PGPEP1L: variants seen among roughly 807,000 people sequenced by gnomAD.
The protein encoded by PGPEP1L is pyroglutamyl-peptidase I like, also known as pyroglutamyl-peptidase 1-like protein.
Under a neutral mutation model 6.0 loss-of-function variants are expected in PGPEP1L, and 7 were observed. That is an observed-to-expected ratio of 1.17 (90% confidence interval 0.66 to 2.19). The LOEUF is 2.19. PGPEP1L is among the 30% of genes most tolerant of loss of function. The probability of loss-of-function intolerance (pLI) is 0.00; values close to 1 mark genes in which losing one functional copy is unlikely to be tolerated. For synonymous variants in PGPEP1L, 103 were observed against 83.9 expected, an observed-to-expected ratio of 1.23 and a Z score of -1.24; for missense variants, 209 against 192.5, an observed-to-expected ratio of 1.09 and a Z score of -0.51.
chr15:98,992,994 G>T (rs1252863494), intron 2 of PGPEP1L, among the ~76,000 whole-genome samples: 1 of 151,988 alleles, frequency 6.6e-6, no homozygotes, highest in African/African-American at 2.4e-5. Flanking sequence ...ACCTAAAACT[G>T]TAAGAACCCT....
intron 2 of PGPEP1L, among the ~76,000 whole-genome samples, chr15:98,983,820 T>G (rs1351762567): frequency 6.6e-6 from 1 of 152,152 alleles, no homozygotes; most frequent in East Asian, 1.9e-4. Context: ...TCTGTCTGTA[T>G]TTTTCTTCTT....
chr15:98,995,714 C>T (rs2017878408), intron 2 of PGPEP1L, among the ~76,000 whole-genome samples: 1 of 152,074 alleles, frequency 6.6e-6, no homozygotes, highest in African/African-American at 2.4e-5. Flanking sequence ...CTCTACAATT[C>T]AATGGTTTTT....
chr15:98,981,299 T>C (rs545746125), intron 2 of PGPEP1L, among the ~76,000 whole-genome samples: 522 of 152,106 alleles, frequency 3.4e-3, no homozygotes, highest in Non-Finnish European at 5.4e-3. Flanking sequence ...CAGACCATCC[T>C]GGCTAACACA....
Position 98,975,651 on chromosome 15 carries a change from C to T in PGPEP1L, c.-141-4493G>A, listed in dbSNP as rs58213348. Among the ~76,000 whole-genome samples the T allele has an allele frequency of 3.0e-3, 453 of 152,224 alleles. 1 individual carries two copies. Among genetic ancestry groups the T allele is most frequent in the African/African-American group, 0.01 (432 of 41,530 alleles). On this transcript the variant is annotated intron_variant, in intron 2 of 4. Transcript: ENST00000535714. ...ATCCCAGCACTTTGGGAGGCCGAGA[C>T]GGGCGGATCACTTGATGTCAGGAGT... is the stretch of plus-strand genomic sequence containing the variant.
In PGPEP1L at chr15:99,000,667, G is replaced by A. The variant is rs540828492; in HGVS notation, c.-142+4762C>T. On this transcript the variant is annotated intron_variant, in intron 2 of 4. Transcript: ENST00000535714. ...TGGAGAACCTTTGTATCCACACTCT[G>A]TATCTAACTAATCTAGTGGGGAACT... 1.1e-4 allele frequency among the ~76,000 whole-genome samples: 17 copies of A among 152,250 alleles called. No individual in the cohort carries two copies. The East Asian group carries it at 1.4e-3, about 12-fold the overall frequency.
At position 98,978,778 on chromosome 15, in the gene PGPEP1L, G is replaced by A. The variant is rs564423071; in HGVS notation, c.-141-7620C>T. ...CACAGTCTTGCTCTGTCACCAGGCTGGAGTGCGGTGGCATGATCTCGGCTC... is the reference window on the plus strand; with the variant it reads ...CACAGTCTTGCTCTGTCACCAGGCTAGAGTGCGGTGGCATGATCTCGGCTC... On this transcript the variant is annotated intron_variant, in intron 2 of 4. Coordinates refer to ENST00000535714, the MANE Select transcript of PGPEP1L (RefSeq NM_001167902.2). Among the ~76,000 whole-genome samples, 3 of 138,300 alleles carry A rather than the reference G, an allele frequency of 2.2e-5. No homozygotes were observed. In the East Asian group the frequency reaches 6.2e-4, roughly 29 times the overall value. 90.7% of individuals were successfully genotyped at this position (138,300 alleles called of 152,430 possible).
At chr15:98,980,534 G>GT (rs1299996098) in intron 2 of PGPEP1L, among the ~76,000 whole-genome samples, 2 of 152,334 alleles carry the variant, frequency 1.3e-5, no homozygotes, top group African/African-American at 4.8e-5. Flanking sequence ...AGTAACCGAT[G>GT]TAACTCCTCT....
At chr15:99,004,643 A>C (rs7164619) in intron 2 of PGPEP1L, among the ~76,000 whole-genome samples, 142,034 of 152,170 alleles carry the variant, frequency 0.93, 66,322 homozygotes, top group South Asian at 0.94. Flanking sequence ...GCTTGAACCC[A>C]GGAGGCGGAG....
intron 2 of PGPEP1L, among the ~76,000 whole-genome samples, chr15:99,002,143 C>T (rs1440876167): frequency 6.6e-6 from 1 of 152,128 alleles, no homozygotes; most frequent in African/African-American, 2.4e-5. Flanking sequence ...TCCCGAGTAG[C>T]TGGGACCACA....
intron 2 of PGPEP1L, among the ~76,000 whole-genome samples, chr15:98,994,994 T>A (rs2017868263): frequency 6.6e-6 from 1 of 152,212 alleles, no homozygotes; most frequent in South Asian, 2.1e-4. Context: ...TTTTTGGTAT[T>A]CTGTAGCTTA....
chr15:98,969,938 G>T (rs994771467), intron 3 of PGPEP1L, among the ~76,000 whole-genome samples: 5 of 152,070 alleles, frequency 3.3e-5, no homozygotes, highest in African/African-American at 4.8e-5. Context: ...CTCTTTTTGT[G>T]GGGGGAGGGT....
chr15:98,972,625 T>C (rs2017514252), intron 2 of PGPEP1L, among the ~76,000 whole-genome samples: 1 of 151,782 alleles, frequency 6.6e-6, no homozygotes, highest in Admixed American at 6.6e-5. Context: ...TCGCAGCACT[T>C]TGGGACACCA....
At chr15:98,981,890 A>G (rs1267039724) in intron 2 of PGPEP1L, among the ~76,000 whole-genome samples, 2 of 152,222 alleles carry the variant, frequency 1.3e-5, no homozygotes, top group African/African-American at 4.8e-5. Flanking sequence ...AGCACCCTGG[A>G]AAAGGGTAAG....
rs1255002050 is a variant in PGPEP1L, at chr15:98,979,628, CTATTCTTTTTTTTTT to C, written c.-141-8485_-141-8471del. 5.3e-5 allele frequency among the ~76,000 whole-genome samples: 4 copies of C among 75,932 alleles called. No individual in the cohort carries two copies. In the South Asian group the frequency reaches 2.5e-3, roughly 48 times the overall value. 49.8% of individuals were successfully genotyped at this position (75,932 alleles called of 152,430 possible). A position where few individuals can be genotyped will look rare whatever the true frequency, so the allele number is the denominator to read the frequency against. ...ATAGCAACCTGGATGGGATTGGAGACTATTCTTTTTTTTTTTTTTTTTTTTTTTTTTTTTTTTTTG... is the reference window on the plus strand; with the variant it reads ...ATAGCAACCTGGATGGGATTGGAGACTTTTTTTTTTTTTTTTTTTTTTTTG... On this transcript the variant is annotated intron_variant, in intron 2 of 4. Coordinates refer to ENST00000535714, the MANE Select transcript of PGPEP1L (RefSeq NM_001167902.2).
chr15:98,984,009 C>CTTTTTTT (rs71456904), intron 2 of PGPEP1L, among the ~76,000 whole-genome samples: 30 of 115,776 alleles, frequency 2.6e-4, no homozygotes, highest in Non-Finnish European at 3.1e-4. Flanking sequence ...AGTAAGTAGT[C>CTTTTTTT]TTTTTTTTTT....
chr15:99,006,643 A>T (rs2018068844), intron 1 of PGPEP1L, among the ~76,000 whole-genome samples: 1 of 152,182 alleles, frequency 6.6e-6, no homozygotes, highest in South Asian at 2.1e-4. Context: ...AACCTGGGCA[A>T]CGTGGCAAGA....
intron 2 of PGPEP1L, among the ~76,000 whole-genome samples, chr15:98,981,496 A>C (rs914282113): frequency 4.1e-5 from 6 of 146,746 alleles, no homozygotes; most frequent in Non-Finnish European, 5.9e-5. Flanking sequence ...TCTCAAAAAA[A>C]AAAAAAAAAA....
chr15:99,000,032 T>G (rs1157580792), intron 2 of PGPEP1L, among the ~76,000 whole-genome samples: 1 of 152,202 alleles, frequency 6.6e-6, no homozygotes, highest in Admixed American at 6.5e-5. Context: ...TCTCTCAGCT[T>G]GCAGGGAGGC....
intron 2 of PGPEP1L, among the ~76,000 whole-genome samples, chr15:98,971,472 T>C (rs1021193568): frequency 9.9e-5 from 15 of 151,776 alleles, no homozygotes; most frequent in African/African-American, 3.4e-4. Context: ...CCAGCCTGGG[T>C]GACAGAGCTA....
Sources: gnomAD v4.1 joint callset for allele counts (sites outside exome capture counted in the v4.1 genomes callset) on GRCh38, gnomAD v4.1.1 for gene constraint, MANE v1.5 for transcripts, NCBI Gene and HGNC (gene_info 2026-07-23, HGNC 2026-07-21) for gene names.